The following PLCH1 variants were observed in gnomAD, a reference collection of about 807,000 sequenced individuals.
The protein encoded by PLCH1 is 1-phosphatidylinositol 4,5-bisphosphate phosphodiesterase eta-1.
PLCH1 carries 60 observed loss-of-function variants against 126.7 expected under a neutral mutation model. The observed-to-expected ratio is 0.47, with a 90% confidence interval of 0.38 to 0.59. PLCH1 has a LOEUF of 0.59. PLCH1 is among the 20% of genes least tolerant of loss of function. The pLI, the probability that PLCH1 is intolerant of heterozygous loss-of-function variation, is 0.00. For missense variants in PLCH1, 1,723 were observed against 2,040.0 expected, an observed-to-expected ratio of 0.84 and a Z score of 2.99; for synonymous variants, 719 against 734.9, an observed-to-expected ratio of 0.98 and a Z score of 0.35.
At chr3:155,567,910 C>T (rs1041865883) in intron 7 of PLCH1, among the ~76,000 whole-genome samples, 2 of 152,148 alleles carry the variant, frequency 1.3e-5, no homozygotes, top group Non-Finnish European at 2.9e-5. Context: ...AATTTCCCTT[C>T]ATGAAATTAT....
chr3:155,579,151 T>A (rs1369314215), intron 6 of PLCH1, among the ~76,000 whole-genome samples: 1 of 152,222 alleles, frequency 6.6e-6, no homozygotes, highest in African/African-American at 2.4e-5. Context: ...TATTAAAAAC[T>A]TATTAGATAA....
rs533769544 is a variant in PLCH1 at position 155,584,505 on chromosome 3, A to G, written c.601-863T>C. Reference sequence around the variant, plus strand: ...TTATTGAGCATGAAGCTTCCATCATATGCCTTACTTACAGGTTGGCTGAAT... The same window carrying G: ...TTATTGAGCATGAAGCTTCCATCATGTGCCTTACTTACAGGTTGGCTGAAT... On this transcript the variant is annotated intron_variant, in intron 5 of 22. Transcript: ENST00000460012. Among the ~76,000 whole-genome samples, 9 of 152,358 alleles carry G rather than the reference A, an allele frequency of 5.9e-5. No individual in the cohort carries two copies. In the South Asian group the frequency reaches 1.9e-3, roughly 32 times the overall value.
intron 1 of PLCH1, among the ~76,000 whole-genome samples, chr3:155,741,488 C>G (rs1037639762): frequency 1.3e-5 from 2 of 152,084 alleles, no homozygotes; most frequent in Non-Finnish European, 2.9e-5. Context: ...TTTCCCTAAC[C>G]GTCTATGTCC....
chr3:155,599,398 G>A (rs1025713883), intron 2 of PLCH1, among the ~76,000 whole-genome samples: 3 of 152,098 alleles, frequency 2.0e-5, no homozygotes, highest in African/African-American at 7.2e-5. Context: ...AGAATGATCA[G>A]AAGAAAAGAG....
chr3:155,656,166 AC>A (rs11379639), intron 2 of PLCH1, among the ~76,000 whole-genome samples: 60 of 148,452 alleles, frequency 4.0e-4, no homozygotes, highest in Middle Eastern at 3.4e-3. Context: ...AGAGAAAATT[AC>A]CCCCCCCCAA....
chr3:155,628,160 A>C (rs9835832), intron 2 of PLCH1, among the ~76,000 whole-genome samples: 2 of 152,052 alleles, frequency 1.3e-5, no homozygotes, highest in Non-Finnish European at 2.9e-5. Flanking sequence ...ATAAATATAC[A>C]CTATATAAAA....
At chr3:155,494,974 T>C (rs1716820620) in intron 15 of PLCH1, among the ~76,000 whole-genome samples, 2 of 152,050 alleles carry the variant, frequency 1.3e-5, no homozygotes, top group African/African-American at 4.8e-5. Context: ...AAGTAAAACA[T>C]GTATTACTAG....
chr3:155,603,001 A>AC (rs77846320), intron 2 of PLCH1, among the ~76,000 whole-genome samples: 30,936 of 152,116 alleles, frequency 0.2, 4,047 homozygotes, highest in African/African-American at 0.37. Flanking sequence ...GCTACAAAAG[A>AC]ACCTTGAGAC....
At position 155,488,603 on chromosome 3, in the gene PLCH1, G is replaced by A. The variant is rs58302774; in HGVS notation, c.2539+57C>T. On this transcript the variant is annotated intron_variant, in intron 20 of 22. Coordinates refer to ENST00000460012, the MANE Select transcript of PLCH1 (RefSeq NM_014996.4). Reference sequence around the variant, plus strand: ...ATGTAAGTAACATATCATATATTACGTCTTCCAAATAAAAAGGAATGGTCA... The same window carrying A: ...ATGTAAGTAACATATCATATATTACATCTTCCAAATAAAAAGGAATGGTCA... 4,546 of 1,379,322 alleles carry A rather than the reference G, an allele frequency of 3.3e-3. 113 individuals carry two copies. In the African/African-American group the frequency reaches 0.057, roughly 17 times the overall value. 85.4% of individuals were successfully genotyped at this position (1,379,322 alleles called of 1,614,324 possible).
At chr3:155,577,237 G>A (rs1454241362) in intron 6 of PLCH1, among the ~76,000 whole-genome samples, 1 of 152,096 alleles carries the variant, frequency 6.6e-6, no homozygotes, top group Non-Finnish European at 1.5e-5. Flanking sequence ...TCCAGCCTGG[G>A]TGACAGAGAC....
At chr3:155,495,942 AT>A (rs1218119204) in intron 15 of PLCH1, among the ~76,000 whole-genome samples, 2 of 152,240 alleles carry the variant, frequency 1.3e-5, no homozygotes, top group Non-Finnish European at 2.9e-5. Flanking sequence ...TGTTTTAAAC[AT>A]TATAGGAGAA....
intron 22 of PLCH1, among the ~76,000 whole-genome samples, chr3:155,484,107 T>C (rs1714624492): frequency 6.6e-6 from 1 of 152,180 alleles, no homozygotes. Context: ...CTGTACTTAA[T>C]GCAACATAAC....
chr3:155,496,722 G>A (rs1487795931), intron 15 of PLCH1, among the ~76,000 whole-genome samples: 4 of 152,176 alleles, frequency 2.6e-5, no homozygotes, highest in Non-Finnish European at 4.4e-5. Flanking sequence ...AGATAAAGGA[G>A]ACAAGAGTAA....
chr3:155,464,818 G>A (rs868850848), intron 21 of PLCH1, among the ~76,000 whole-genome samples: 1 of 152,152 alleles, frequency 6.6e-6, no homozygotes, highest in Non-Finnish European at 1.5e-5. Context: ...AATACTACAT[G>A]TAAGAGTGAC....
intron 2 of PLCH1, among the ~76,000 whole-genome samples, chr3:155,634,403 C>T (rs1013301173): frequency 6.6e-5 from 10 of 152,074 alleles, no homozygotes; most frequent in African/African-American, 2.4e-4. Context: ...CTCTTTTCCC[C>T]CAAATCAATA....
At chr3:155,650,602 G>T (rs975421888) in intron 2 of PLCH1, among the ~76,000 whole-genome samples, 2 of 152,128 alleles carry the variant, frequency 1.3e-5, no homozygotes, top group African/African-American at 4.8e-5. Context: ...TTAAGAGAAA[G>T]TAGTTGAATA....
intron 21 of PLCH1, among the ~76,000 whole-genome samples, chr3:155,466,984 C>A (rs1178098380): frequency 6.6e-6 from 1 of 151,898 alleles, no homozygotes. Context: ...ATGAAGAATG[C>A]CTACAGGATC....
At chr3:155,548,174 A>G (rs73154252) in intron 10 of PLCH1, among the ~76,000 whole-genome samples, 6,777 of 152,304 alleles carry the variant, frequency 0.044, 218 homozygotes, top group Middle Eastern at 0.092. Context: ...ACAACTTGTC[A>G]ATCTCCAAAG....
chr3:155,483,125 C>T (rs1714452788), intron 22 of PLCH1, 74 bp from the exon 23 acceptor site: 9 of 1,305,044 alleles, frequency 6.9e-6, no homozygotes, highest in African/African-American at 1.5e-5. Context: ...ATGTTGTCTT[C>T]GGACAGACAA....
Sources: gnomAD v4.1 joint callset for allele counts (sites outside exome capture counted in the v4.1 genomes callset) on GRCh38, gnomAD v4.1.1 for gene constraint, MANE v1.5 for transcripts, NCBI Gene and HGNC (gene_info 2026-07-23, HGNC 2026-07-21) for gene names.